Variants in PLEKHD1 observed in about 807,000 individuals in gnomAD.
The protein encoded by PLEKHD1 is pleckstrin homology and coiled-coil domain containing D1.
In PLEKHD1, 51 loss-of-function variants were observed where a neutral mutation model predicts 69.2. The ratio of observed to expected loss-of-function variants is 0.74; its 90% CI spans 0.59 to 0.93. The LOEUF (loss-of-function observed/expected upper bound fraction) is 0.93, where lower values mean the gene tolerates loss of function less well. PLEKHD1 is among the 40% of genes least tolerant of loss of function. The pLI is 0.00. For synonymous variants in PLEKHD1, 236 were observed against 244.7 expected, an observed-to-expected ratio of 0.96 and a Z score of 0.33; for missense variants, 584 against 641.0, an observed-to-expected ratio of 0.91 and a Z score of 0.96.
intron 6 of PLEKHD1, among the ~76,000 whole-genome samples, chr14:69,506,027 G>A (rs1028825871): frequency 6.6e-6 from 1 of 152,210 alleles, no homozygotes; most frequent in Non-Finnish European, 1.5e-5. Context: ...CAGGGTTTCT[G>A]GCAAGGTTCT....
chr14:69,514,816 G>A (rs1052804380), intron 6 of PLEKHD1, among the ~76,000 whole-genome samples: 1 of 152,136 alleles, frequency 6.6e-6, no homozygotes, highest in Non-Finnish European at 1.5e-5. Flanking sequence ...CATGGGTACA[G>A]TGGGCTGGAA....
intron 1 of PLEKHD1, among the ~76,000 whole-genome samples, chr14:69,488,623 T>C (rs975092393): frequency 1.3e-5 from 2 of 152,048 alleles, no homozygotes; most frequent in Admixed American, 6.5e-5. Context: ...CAGGTGGCAG[T>C]TGAGGGGCAG....
intron 7 of PLEKHD1, among the ~76,000 whole-genome samples, chr14:69,523,018 C>T (rs1181362424): frequency 3.3e-5 from 5 of 152,150 alleles, no homozygotes; most frequent in Non-Finnish European, 5.9e-5. Context: ...ACTGCAGCCC[C>T]GCCTCCTGGG....
chr14:69,503,222 A>G (rs1407978340), intron 6 of PLEKHD1: 1 of 317,294 alleles, frequency 3.2e-6, no homozygotes. Flanking sequence ...TTATCCATAG[A>G]GGGCTATCTG....
intron 7 of PLEKHD1, among the ~76,000 whole-genome samples, chr14:69,523,010 T>C (rs1416731786): frequency 2.0e-5 from 3 of 152,174 alleles, no homozygotes; most frequent in African/African-American, 7.2e-5. Context: ...CTCGGCTCAC[T>C]GCAGCCCCGC....
Position 69,528,425 on chromosome 14 carries a change from G to A in PLEKHD1, c.*6G>A, listed in dbSNP as rs755635040. On this transcript the variant is annotated 3_prime_UTR_variant, in exon 13 of 13. Transcript: ENST00000322564. ...TCTCCCGGGGTGGAAAGTGATGGGC[G>A]CTCCTCCCCTGCTTCCCAAGTCTCC... 1.9e-6 allele frequency: 3 copies of A among 1,549,444 alleles called. No homozygotes were observed. The highest frequency in any genetic ancestry group is 2.4e-5 in the East Asian group (1 of 40,904).
chr14:69,518,623 A>G (rs898512244), intron 6 of PLEKHD1, among the ~76,000 whole-genome samples: 1 of 152,200 alleles, frequency 6.6e-6, no homozygotes, highest in Non-Finnish European at 1.5e-5. Flanking sequence ...CAAGAATACA[A>G]TTAGTTTTAC....
intron 6 of PLEKHD1, among the ~76,000 whole-genome samples, chr14:69,508,554 A>G (rs1044080416): frequency 2.6e-5 from 4 of 152,238 alleles, no homozygotes; most frequent in Non-Finnish European, 5.9e-5. Flanking sequence ...AGCTGGGACT[A>G]CAGGCATGCA....
At position 69,501,818 on chromosome 14, in the gene PLEKHD1, G is replaced by A. The variant is rs138933656; in HGVS notation, c.495G>A (p.Glu165=). The A allele has an allele frequency of 1.0e-4, 159 of 1,551,068 alleles. No individual in the cohort carries two copies. In the African/African-American group the frequency reaches 1.8e-3, roughly 18 times the overall value. The stretch of plus-strand genomic sequence containing the variant: ...TGCAGTTGGCTAAGGAAAAGCAGGA[G>A]TATTTAGGTTGGCTGGAGGGGTGGT... ...QGLQLAKEKQ[E]YLDKLMEETE... The change falls in exon 5 of 13, where the codon GAG becomes GAA. Residue 165 remains glutamate (E), a synonymous_variant. Coordinates refer to ENST00000322564, the MANE Select transcript of PLEKHD1 (RefSeq NM_001161498.2).
In PLEKHD1 at chr14:69,495,020, A is replaced by G. The variant is rs925730491; in HGVS notation, c.150-5095A>G. On this transcript the variant is annotated intron_variant, in intron 1 of 12. Transcript: ENST00000322564. ...CTTGACCCCCATCTCCACCCAAGCC[A>G]TTCTGGGGACAGCTGCAGCCAGGCC... is the stretch of plus-strand genomic sequence containing the variant. Among the ~76,000 whole-genome samples the G allele has an allele frequency of 2.0e-5, 3 of 152,070 alleles. No homozygotes were observed. In the South Asian group the frequency reaches 6.2e-4, roughly 31 times the overall value.
At chr14:69,496,927 C>T (rs1882902556) in intron 1 of PLEKHD1, among the ~76,000 whole-genome samples, 2 of 152,044 alleles carry the variant, frequency 1.3e-5, no homozygotes, top group Admixed American at 1.3e-4. Context: ...ACATTAATTA[C>T]CTCCTAAAGA....
chr14:69,523,652 C>T (rs551622630), intron 7 of PLEKHD1, among the ~76,000 whole-genome samples: 4 of 152,138 alleles, frequency 2.6e-5, no homozygotes, highest in Non-Finnish European at 4.4e-5. Flanking sequence ...TCCTGTGTTA[C>T]GAGAATTGAG....
Position 69,526,836 on chromosome 14 carries a change from C to G in PLEKHD1, c.1056+7C>G. On this transcript the variant is annotated splice_region_variant and intron_variant, in intron 10 of 12. Transcript: ENST00000322564. ...GGCTGAGCGGGAGCTCAAGGTGCGA[C>G]CTGGCCTGCTGGTGCCAGGGCCCTT... is the stretch of plus-strand genomic sequence containing the variant. The G allele has an allele frequency of 6.5e-7, 1 of 1,533,406 alleles. No individual in the cohort carries two copies. The highest frequency in any genetic ancestry group is 8.8e-7 in the Non-Finnish European group (1 of 1,138,696). The allele number at this position is 1,533,406 out of a possible 1,614,324, so 95.0% of individuals were successfully genotyped here.
At chr14:69,506,434 A>G (rs558764698) in intron 6 of PLEKHD1, among the ~76,000 whole-genome samples, 1 of 152,238 alleles carries the variant, frequency 6.6e-6, no homozygotes, top group South Asian at 2.1e-4. Context: ...CTCCAGGTTT[A>G]TAAGTGGTAA....
intron 1 of PLEKHD1, among the ~76,000 whole-genome samples, chr14:69,488,977 C>A (rs372345626): frequency 1.7e-4 from 25 of 151,022 alleles, no homozygotes; most frequent in African/African-American, 6.1e-4. Context: ...GGCACACTCT[C>A]TGGATCACCC....
At chr14:69,496,300 T>C (rs1231355261) in intron 1 of PLEKHD1, among the ~76,000 whole-genome samples, 1 of 152,116 alleles carries the variant, frequency 6.6e-6, no homozygotes, top group African/African-American at 2.4e-5. Flanking sequence ...GGCATAAAGG[T>C]ATTTATTTGT....
At chr14:69,479,661 C>CA in the PLEKHD1 span, among the ~76,000 whole-genome samples, 1 of 151,836 alleles carries the variant, frequency 6.6e-6, no homozygotes, top group Non-Finnish European at 1.5e-5. Context: ...ATAATAATAA[C>CA]AAAAAAAGTT....
intron 1 of PLEKHD1, among the ~76,000 whole-genome samples, chr14:69,491,916 G>T (rs1027065341): frequency 2.0e-5 from 3 of 152,164 alleles, no homozygotes; most frequent in Admixed American, 1.3e-4. Context: ...TTAACATTTC[G>T]ATGAGCCTTG....
upstream of PLEKHD1, among the ~76,000 whole-genome samples, chr14:69,483,008 C>CAA (rs1882573642): frequency 6.6e-6 from 1 of 152,074 alleles, no homozygotes; most frequent in Non-Finnish European, 1.5e-5. Context: ...CAGAAATAGA[C>CAA]AAAAAATATA....
Sources: allele counts gnomAD v4.1 joint callset (sites outside exome capture counted in the v4.1 genomes callset), GRCh38; gene constraint gnomAD v4.1.1; transcripts MANE v1.5; gene names NCBI Gene and HGNC (gene_info 2026-07-23, HGNC 2026-07-21).